The following LRRFIP2 variants were observed in gnomAD, a reference collection of about 807,000 sequenced individuals.
The protein encoded by LRRFIP2 is LRR binding FLII interacting protein 2, also known as leucine-rich repeat flightless-interacting protein 2.
Under a neutral mutation model 125.9 loss-of-function variants are expected in LRRFIP2, and 109 were observed. The ratio of observed to expected loss-of-function variants is 0.87; its 90% CI spans 0.74 to 1.01. The LOEUF is 1.01. LRRFIP2 is among the 50% of genes least tolerant of loss of function. The pLI is 0.00. For missense variants in LRRFIP2, 850 were observed against 862.3 expected (o/e 0.99, Z 0.18); for synonymous variants, 291 against 293.1 (o/e 0.99, Z 0.07).
intron 21 of LRRFIP2, chr3:37,067,522 T>C (rs908774256): frequency 2.0e-5 from 3 of 152,216 alleles, no homozygotes; most frequent in Non-Finnish European, 4.4e-5. Context: ...TTCCTCTCAG[T>C]TCACTGGGTT....
chr3:37,078,347 CAAAAT>C (rs1490698461), intron 19 of LRRFIP2, among the ~76,000 whole-genome samples: 2 of 152,058 alleles, frequency 1.3e-5, no homozygotes, highest in Non-Finnish European at 2.9e-5. Flanking sequence ...GCAAAACAAA[CAAAAT>C]AAAAATCTTT....
chr3:37,162,811 C>T (rs1485119541), intron 1 of LRRFIP2, among the ~76,000 whole-genome samples: 1 of 152,196 alleles, frequency 6.6e-6, no homozygotes, highest in African/African-American at 2.4e-5. Context: ...GCCTTTGGGG[C>T]ACATCCATTT....
At chr3:37,069,060 G>A (rs2090686674) in intron 21 of LRRFIP2, among the ~76,000 whole-genome samples, 1 of 152,172 alleles carries the variant, frequency 6.6e-6, no homozygotes, top group Non-Finnish European at 1.5e-5. Flanking sequence ...AGTCAAGGGA[G>A]GACCACTGCC....
At chr3:37,054,307 G>A in intron 27 of LRRFIP2, 104 bp downstream of exon 27, 2 of 892,498 alleles carry the variant, frequency 2.2e-6, no homozygotes, top group East Asian at 2.5e-5. Flanking sequence ...TGACTCCACT[G>A]CTGTTTCCTT....
At chr3:37,171,418 A>G (rs893685950) in intron 1 of LRRFIP2, among the ~76,000 whole-genome samples, 13 of 152,150 alleles carry the variant, frequency 8.5e-5, no homozygotes. Flanking sequence ...TTCCGACTTC[A>G]TCAAACTATA....
chr3:37,146,391 TACCTATCA>T lies in LRRFIP2; in HGVS notation c.90+2495_90+2502del. ...AAACACGTGTCATGATGGTTTGCTG[TACCTATCA>T]ACCTATCACCTAGGTATTTAGCCCC... On this transcript the variant is annotated intron_variant, in intron 2 of 27. Coordinates refer to ENST00000336686, the MANE Select transcript of LRRFIP2 (RefSeq NM_006309.4). 2.0e-5 allele frequency among the ~76,000 whole-genome samples: 3 copies of T among 152,284 alleles called. No homozygotes were observed. In the Middle Eastern group the frequency reaches 0.01, roughly 518 times the overall value.
intron 2 of LRRFIP2, among the ~76,000 whole-genome samples, chr3:37,142,148 CT>C (rs1006144645): frequency 0.034 from 4,418 of 129,708 alleles, 84 homozygotes; most frequent in African/African-American, 0.076. Flanking sequence ...ATTTTTCCTA[CT>C]TTTTTTTTTT....
At chr3:37,090,218 TTTTGTTTG>T (rs111504404) in intron 18 of LRRFIP2, among the ~76,000 whole-genome samples, 11 of 151,032 alleles carry the variant, frequency 7.3e-5, no homozygotes, top group East Asian at 3.9e-4. Context: ...ATTTTACTTT[TTTTGTTTG>T]TTTGTTTGTT....
intron 7 of LRRFIP2, among the ~76,000 whole-genome samples, chr3:37,113,378 G>A (rs1458912940): frequency 6.6e-6 from 1 of 152,050 alleles, no homozygotes; most frequent in African/African-American, 2.4e-5. Context: ...TACAATCATG[G>A]CTCACTGCAG....
intron 18 of LRRFIP2, among the ~76,000 whole-genome samples, chr3:37,088,786 G>C (rs2093253008): frequency 1.3e-5 from 2 of 151,938 alleles, no homozygotes; most frequent in South Asian, 2.1e-4. Context: ...GACAGAGCAA[G>C]AGACCTTGTC....
At chr3:37,157,720 T>C (rs942433182) in intron 1 of LRRFIP2, among the ~76,000 whole-genome samples, 33 of 151,572 alleles carry the variant, frequency 2.2e-4, no homozygotes, top group African/African-American at 8.0e-4. Context: ...ATGAAAAAAA[T>C]ATATACAGGC....
intron 19 of LRRFIP2, among the ~76,000 whole-genome samples, chr3:37,081,286 G>C (rs1004433782): frequency 6.6e-6 from 1 of 152,022 alleles, no homozygotes; most frequent in African/African-American, 2.4e-5. Context: ...AAACAAAATA[G>C]TTATTGTAAT....
chr3:37,089,795 A>C (rs2093321876), intron 18 of LRRFIP2, among the ~76,000 whole-genome samples: 1 of 152,206 alleles, frequency 6.6e-6, no homozygotes, highest in Non-Finnish European at 1.5e-5. Flanking sequence ...ATATTTATTT[A>C]ATGTACCGAT....
rs1049234878 is a variant in LRRFIP2, at chr3:37,153,348, T to C, written c.-55-4310A>G. Among the ~76,000 whole-genome samples, 10 of 152,234 alleles carry C rather than the reference T, an allele frequency of 6.6e-5. No individual in the cohort carries two copies. In the East Asian group the frequency reaches 7.7e-4, roughly 12 times the overall value. ...CAACGCTGCAGTGAGCCATGATCAC[T>C]GCACTCCAGCCTGGGTGACAGAGTG... On this transcript the variant is annotated intron_variant, in intron 1 of 27. Coordinates refer to ENST00000336686, the MANE Select transcript of LRRFIP2 (RefSeq NM_006309.4).
chr3:37,161,150 C>CCTGGTCAACA lies in LRRFIP2; in HGVS notation c.-55-12122_-55-12113dup, dbSNP rs1441513659. Among the ~76,000 whole-genome samples the CCTGGTCAACA allele has an allele frequency of 2.1e-5, 3 of 142,680 alleles. No individual in the cohort carries two copies. The East Asian group carries it at 6.0e-4, about 28-fold the overall frequency. The allele number at this position is 142,680 out of a possible 152,430, so 93.6% of individuals were successfully genotyped here. On this transcript the variant is annotated intron_variant, in intron 1 of 27. Transcript: ENST00000336686. Reference sequence around the variant, plus strand: ...CTTGAGGTCAAGAATTGGAGACCAGCCTGGTCAACATGGTGAAACCCCATC... The same window carrying CCTGGTCAACA: ...CTTGAGGTCAAGAATTGGAGACCAGCCTGGTCAACACTGGTCAACATGGTGAAACCCCATC...
chr3:37,100,338 A>G (rs531829807), intron 15 of LRRFIP2, among the ~76,000 whole-genome samples: 2 of 152,056 alleles, frequency 1.3e-5, no homozygotes, highest in Admixed American at 6.5e-5. Context: ...AAAAAAATAT[A>G]TGTATGTATG....
rs748295456 is a variant in LRRFIP2 at position 37,148,894 on chromosome 3, C to G, written c.90G>C (p.Glu30Asp). Reference sequence around the variant, plus strand: ...TTGAGAGGGGATTTACCAAACATACCTCTCTGGCAATGTTACTCAAAGCTT... The same window carrying G: ...TTGAGAGGGGATTTACCAAACATACGTCTCTGGCAATGTTACTCAAAGCTT... Reference protein sequence around the residue: ...EDEALSNIAREAEARLAAKRA... With the variant: ...EDEALSNIARDAEARLAAKRA... The change falls in exon 2 of 28, where the codon GAG becomes GAC. Residue 30 changes from glutamate to aspartate, a missense_variant and splice_region_variant. Transcript: ENST00000336686. The G allele has an allele frequency of 1.7e-5, 27 of 1,613,962 alleles. No homozygotes were observed. The highest frequency in any genetic ancestry group is 2.3e-5 in the Non-Finnish European group (27 of 1,179,940).
chr3:37,139,416 T>C (rs2095635652), intron 2 of LRRFIP2, among the ~76,000 whole-genome samples: 1 of 152,226 alleles, frequency 6.6e-6, no homozygotes, highest in Admixed American at 6.5e-5. Flanking sequence ...CAAGACCTTA[T>C]CAGTTCAGCA....
intron 1 of LRRFIP2, among the ~76,000 whole-genome samples, chr3:37,149,470 T>C (rs1210706812): frequency 2.6e-5 from 4 of 151,900 alleles, no homozygotes; most frequent in Admixed American, 1.3e-4. Context: ...TGAGCCAAGA[T>C]TGCGCCACAG....
Sources: allele counts gnomAD v4.1 joint callset (sites outside exome capture counted in the v4.1 genomes callset), GRCh38; gene constraint gnomAD v4.1.1; transcripts MANE v1.5; gene names NCBI Gene and HGNC (gene_info 2026-07-23, HGNC 2026-07-21).